The following CNTLN variants were observed in gnomAD, a reference collection of about 807,000 sequenced individuals.
CNTLN encodes the protein centlein.
Under a neutral mutation model 180.0 loss-of-function variants are expected in CNTLN, and 212 were observed. The ratio of observed to expected loss-of-function variants is 1.18; its 90% CI spans 1.05 to 1.32. The LOEUF is 1.32. CNTLN is among the 40% of genes most tolerant of loss of function. The pLI, the probability that CNTLN is intolerant of heterozygous loss-of-function variation, is 0.00. For missense variants in CNTLN, 2,095 were observed against 1,610.9 expected (o/e 1.30, Z -5.14); for synonymous variants, 722 against 563.1 (o/e 1.28, Z -3.99).
chr9:17,212,261 T>A (rs1823376409), intron 2 of CNTLN, among the ~76,000 whole-genome samples: 1 of 152,212 alleles, frequency 6.6e-6, no homozygotes, highest in African/African-American at 2.4e-5. Flanking sequence ...GTTTTTAGCA[T>A]GAAGTGTTGT....
In CNTLN at chr9:17,394,600, A is replaced by G; in HGVS notation, c.2146A>G (p.Lys716Glu). 6.3e-7 allele frequency: 1 copy of G among 1,596,398 alleles called. No individual in the cohort carries two copies. ...KRSRKLKEGN[K>E]KLMKENDFLK... is the part of the protein sequence containing the mutation. The stretch of plus-strand genomic sequence containing the variant: ...GTCGAGAAAATTAAAAGAAGGGAAT[A>G]AAAAATTAATGAAAGAAAATGATTT... The change falls in exon 15 of 26, where the codon AAA (lysine) becomes GAA (glutamate). Residue 716 changes from lysine to glutamate, a missense_variant. Lys to Glu is a moderately conservative substitution (Grantham distance 56, BLOSUM62 1). Transcript: ENST00000380647.
At chr9:17,283,022 A>G (rs7041744) in intron 6 of CNTLN, among the ~76,000 whole-genome samples, 44,528 of 151,972 alleles carry the variant, frequency 0.29, 6,599 homozygotes, top group South Asian at 0.41. Context: ...CCGGTAGTGT[A>G]ATGCCACTGG....
intron 15 of CNTLN, among the ~76,000 whole-genome samples, chr9:17,399,953 C>T (rs1422259823): frequency 6.6e-6 from 1 of 152,136 alleles, no homozygotes; most frequent in African/African-American, 2.4e-5. Context: ...TTCATCAAAC[C>T]TCGCATGTAA....
intron 2 of CNTLN, among the ~76,000 whole-genome samples, chr9:17,198,455 A>C (rs1418094451): frequency 1.2e-4 from 16 of 134,390 alleles, no homozygotes; most frequent in African/African-American, 4.5e-4. Context: ...CATTGTAGAG[A>C]TCTTTCACTT....
intron 13 of CNTLN, among the ~76,000 whole-genome samples, chr9:17,384,051 A>G (rs1018089966): frequency 3.9e-5 from 6 of 152,354 alleles, no homozygotes; most frequent in Admixed American, 3.3e-4. Flanking sequence ...ACTTGGAAGT[A>G]GAAAATAAAC....
intron 13 of CNTLN, among the ~76,000 whole-genome samples, chr9:17,374,750 A>G (rs957082996): frequency 1.3e-5 from 2 of 152,060 alleles, no homozygotes; most frequent in Non-Finnish European, 2.9e-5. Context: ...AATCCCAGTT[A>G]CTTGGGAGGC....
chr9:17,399,432 G>A (rs976326851), intron 15 of CNTLN, among the ~76,000 whole-genome samples: 1 of 152,044 alleles, frequency 6.6e-6, no homozygotes, highest in African/African-American at 2.4e-5. Context: ...TATGTATTTA[G>A]CCTGTCTGAC....
chr9:17,337,912 C>T (rs1821160977), intron 10 of CNTLN, among the ~76,000 whole-genome samples: 1 of 152,122 alleles, frequency 6.6e-6, no homozygotes, highest in African/African-American at 2.4e-5. Flanking sequence ...AAACTTTAGT[C>T]ATTCCCCAAA....
chr9:17,263,067 GT>G (rs1157083485), intron 5 of CNTLN, among the ~76,000 whole-genome samples: 1 of 150,890 alleles, frequency 6.6e-6, no homozygotes. Context: ...TATACTTTAA[GT>G]TTTAGGGTAC....
chr9:17,146,845 A>G (rs1818490850), intron 2 of CNTLN, among the ~76,000 whole-genome samples: 1 of 152,084 alleles, frequency 6.6e-6, no homozygotes, highest in Admixed American at 6.5e-5. Context: ...CTTTAATAGA[A>G]TAATTTTTTA....
intron 7 of CNTLN, among the ~76,000 whole-genome samples, chr9:17,306,442 C>T (rs189680694): frequency 1.3e-5 from 2 of 152,140 alleles, no homozygotes; most frequent in Non-Finnish European, 2.9e-5. Context: ...AGCCAACGTG[C>T]CTGACCAGTG....
intron 12 of CNTLN, among the ~76,000 whole-genome samples, chr9:17,347,653 T>A (rs1822006166): frequency 7.7e-6 from 1 of 129,682 alleles, no homozygotes; most frequent in Non-Finnish European, 1.6e-5. Flanking sequence ...TGGGTCTGGG[T>A]GACAGTAAGA....
At chr9:17,428,763 T>C (rs1237770809) in intron 18 of CNTLN, among the ~76,000 whole-genome samples, 1 of 152,048 alleles carries the variant, frequency 6.6e-6, no homozygotes, top group East Asian at 1.9e-4. Flanking sequence ...AGGCCTTCTT[T>C]ACTATGCAAT....
At chr9:17,223,313 G>C (rs963896487) in intron 2 of CNTLN, among the ~76,000 whole-genome samples, 1 of 151,934 alleles carries the variant, frequency 6.6e-6, no homozygotes, top group Non-Finnish European at 1.5e-5. Flanking sequence ...GGGGAACTAC[G>C]GTATTTGGAT....
intron 9 of CNTLN, 86 bp from the exon 10 acceptor site, chr9:17,332,519 T>G: frequency 7.7e-7 from 1 of 1,300,346 alleles, no homozygotes; most frequent in Non-Finnish European, 1.1e-6. Flanking sequence ...TTATTAGTAT[T>G]CAAAATTACT....
intron 12 of CNTLN, among the ~76,000 whole-genome samples, chr9:17,365,327 T>G (rs566279511): frequency 4.1e-4 from 62 of 152,316 alleles, no homozygotes; most frequent in African/African-American, 1.3e-3. Context: ...CCATGAATGT[T>G]AAGTTTCATG....
At chr9:17,471,426 A>T (rs1459712721) in intron 23 of CNTLN, among the ~76,000 whole-genome samples, 3 of 152,114 alleles carry the variant, frequency 2.0e-5, no homozygotes, top group Non-Finnish European at 4.4e-5. Context: ...TAGTAATTGA[A>T]AAGTAAAGTA....
intron 2 of CNTLN, among the ~76,000 whole-genome samples, chr9:17,169,116 GC>G (rs1449906119): frequency 6.6e-6 from 1 of 152,104 alleles, no homozygotes; most frequent in Non-Finnish European, 1.5e-5. Flanking sequence ...TCCTGCCTCA[GC>G]CTCCCAAGTA....
chr9:17,252,881 G>C (rs1826238155), intron 5 of CNTLN, among the ~76,000 whole-genome samples: 2 of 141,994 alleles, frequency 1.4e-5, no homozygotes, highest in Non-Finnish European at 3.0e-5. Context: ...TTTTCTTCTA[G>C]TATTTTTCTG....
Sources: allele counts gnomAD v4.1 joint callset (sites outside exome capture counted in the v4.1 genomes callset), GRCh38; gene constraint gnomAD v4.1.1; transcripts MANE v1.5; gene names NCBI Gene and HGNC (gene_info 2026-07-23, HGNC 2026-07-21).